ZNG1E: variants seen among roughly 807,000 people sequenced by gnomAD.
ZNG1E encodes the protein zinc-regulated GTPase metalloprotein activator 1E.
chr9:65,693,520 T>G, the ZNG1E span: 1 of 1,277,198 alleles, frequency 7.8e-7, no homozygotes, highest in Non-Finnish European at 1.0e-6. Flanking sequence ...TTAGTGACTG[T>G]TTTGTATCCA....
At chr9:65,675,263 A>G in the ZNG1E span, among the ~76,000 whole-genome samples, 1 of 152,152 alleles carries the variant, frequency 6.6e-6, no homozygotes, top group African/African-American at 2.4e-5. Flanking sequence ...TATATTAGAA[A>G]GAAGGGCTAT....
At chr9:65,660,517 G>A in the ZNG1E span, among the ~76,000 whole-genome samples, 3 of 152,266 alleles carry the variant, frequency 2.0e-5, no homozygotes, top group Admixed American at 6.5e-5. Flanking sequence ...AGTGTGGGGA[G>A]ATAGAAATGG....
At chr9:65,694,376 T>C in the ZNG1E span, among the ~76,000 whole-genome samples, 1 of 149,068 alleles carries the variant, frequency 6.7e-6, no homozygotes, top group African/African-American at 2.5e-5. Flanking sequence ...AGGAAAAATT[T>C]TATATGTATA....
chr9:65,661,030 C>G, the ZNG1E span, among the ~76,000 whole-genome samples: 21 of 147,804 alleles, frequency 1.4e-4, no homozygotes, highest in Non-Finnish European at 2.8e-4. Flanking sequence ...CTTGCTCCAG[C>G]TGTGGAAACT....
At chr9:65,720,079 C>T in the ZNG1E span, 1,652 of 1,594,176 alleles carry the variant, frequency 1.0e-3, 23 homozygotes, top group Non-Finnish European at 1.3e-3. Flanking sequence ...GGAACACAAC[C>T]TCACCTTGAT....
the ZNG1E span, among the ~76,000 whole-genome samples, chr9:65,714,085 T>C: frequency 6.7e-6 from 1 of 149,724 alleles, no homozygotes; most frequent in African/African-American, 2.5e-5. Context: ...AAACTTCCCT[T>C]CTTGCTTCAT....
At chr9:65,679,619 A>G in the ZNG1E span, 4,562 of 306,590 alleles carry the variant, frequency 0.015, no homozygotes, top group East Asian at 0.036. Context: ...CAGTGGTGCA[A>G]TCTCAGCTCA....
the ZNG1E span, among the ~76,000 whole-genome samples, chr9:65,677,635 C>T: frequency 2.0e-5 from 3 of 152,250 alleles, no homozygotes; most frequent in Admixed American, 1.3e-4. Context: ...TGCATGTTAG[C>T]CTTAATGATC....
the ZNG1E span, chr9:65,703,656 C>T: frequency 2.1e-6 from 2 of 950,614 alleles, no homozygotes; most frequent in Non-Finnish European, 2.4e-6. Context: ...CAGCAACAGG[C>T]AGCCAGGAGC....
the ZNG1E span, among the ~76,000 whole-genome samples, chr9:65,661,058 G>A: frequency 6.8e-6 from 1 of 147,934 alleles, no homozygotes; most frequent in African/African-American, 2.5e-5. Flanking sequence ...TGTACTGCTA[G>A]ATCTAAGGAT....
chr9:65,673,886 G>A, the ZNG1E span, among the ~76,000 whole-genome samples: 1 of 152,302 alleles, frequency 6.6e-6, no homozygotes, highest in Admixed American at 6.5e-5. Flanking sequence ...TTAAAAATAT[G>A]TCAAAGAAGG....
the ZNG1E span, among the ~76,000 whole-genome samples, chr9:65,722,468 G>GC: frequency 1.6e-4 from 13 of 82,178 alleles, no homozygotes; most frequent in African/African-American, 5.8e-4. Flanking sequence ...AGTAAAGCAT[G>GC]CAAATGTGTA....
chr9:65,661,167 G>T, the ZNG1E span, among the ~76,000 whole-genome samples: 1 of 137,496 alleles, frequency 7.3e-6, no homozygotes, highest in Non-Finnish European at 1.5e-5. Flanking sequence ...CTTGGAGGGT[G>T]TGGGTAAGAC....
chr9:65,665,522 C>A, the ZNG1E span, among the ~76,000 whole-genome samples: 1 of 152,090 alleles, frequency 6.6e-6, no homozygotes, highest in Non-Finnish European at 1.5e-5. Flanking sequence ...CATGGAGAAC[C>A]TCTGCTAGGG....
the ZNG1E span, chr9:65,681,936 CAT>C: frequency 2.4e-5 from 13 of 530,670 alleles, no homozygotes; most frequent in South Asian, 9.3e-5. Flanking sequence ...ATGAAAGTCT[CAT>C]ATGTAAAAAA....
the ZNG1E span, among the ~76,000 whole-genome samples, chr9:65,688,205 CAAT>C: frequency 2.8e-5 from 4 of 141,352 alleles, no homozygotes; most frequent in African/African-American, 1.0e-4. Flanking sequence ...TTGGTTAAGT[CAAT>C]AATTAAATTA....
chr9:65,658,168 A>G, the ZNG1E span, among the ~76,000 whole-genome samples: 3 of 151,710 alleles, frequency 2.0e-5, no homozygotes, highest in Admixed American at 6.6e-5. Context: ...AAAAGTAAAA[A>G]GTAAAAAGTT....
the ZNG1E span, among the ~76,000 whole-genome samples, chr9:65,693,693 G>T: frequency 6.6e-6 from 1 of 151,288 alleles, no homozygotes; most frequent in African/African-American, 2.4e-5. Context: ...GAGTATCTGG[G>T]ATTACAGGTG....
the ZNG1E span, among the ~76,000 whole-genome samples, chr9:65,657,445 A>G: frequency 6.6e-6 from 1 of 152,276 alleles, no homozygotes; most frequent in African/African-American, 2.4e-5. Context: ...GGAGGACCTT[A>G]TGTTAAGTGA....
Sources: gnomAD v4.1 joint callset for allele counts (sites outside exome capture counted in the v4.1 genomes callset) on GRCh38, gnomAD v4.1.1 for gene constraint, MANE v1.5 for transcripts, NCBI Gene and HGNC (gene_info 2026-07-23, HGNC 2026-07-21) for gene names.